Variants in ZBTB25 observed in about 807,000 individuals in gnomAD.
The protein encoded by ZBTB25 is zinc finger and BTB domain containing 25.
Under a neutral mutation model 34.2 loss-of-function variants are expected in ZBTB25, and 20 were observed. That is an observed-to-expected ratio of 0.58 (90% CI 0.41 to 0.85). The LOEUF (loss-of-function observed/expected upper bound fraction) is 0.85. Among genes scored for constraint, ZBTB25 ranks in the 40% least tolerant of loss-of-function variants. The pLI is 0.00. For missense variants in ZBTB25, 437 were observed against 521.8 expected (o/e 0.84, Z 1.58); for synonymous variants, 175 against 186.4 (o/e 0.94, Z 0.50).
intron 1 of ZBTB25, among the ~76,000 whole-genome samples, chr14:64,498,878 C>A (rs1361122678): frequency 6.6e-6 from 1 of 152,116 alleles, no homozygotes; most frequent in Non-Finnish European, 1.5e-5. Context: ...TCATGATCCA[C>A]CCGCCTCGGC....
At chr14:64,503,409 G>A in intron 1 of ZBTB25, 1 of 985,448 alleles carries the variant, frequency 1.0e-6, no homozygotes, top group Non-Finnish European at 1.2e-6. Flanking sequence ...GTGCCACCCT[G>A]AATCAGGCCC....
At chr14:64,464,171 A>AACCGGTGTGAGCT (rs1555340465) in intron 2 of ZBTB25, among the ~76,000 whole-genome samples, 1 of 151,280 alleles carries the variant, frequency 6.6e-6, no homozygotes, top group Non-Finnish European at 1.5e-5. Flanking sequence ...GCTCCTGAGT[A>AACCGGTGTGAGCT]ACTGGGACCA....
intron 1 of ZBTB25, among the ~76,000 whole-genome samples, chr14:64,491,991 T>C (rs963730392): frequency 6.6e-6 from 1 of 151,826 alleles, no homozygotes; most frequent in African/African-American, 2.4e-5. Flanking sequence ...CGGTGGTGCA[T>C]GCTTTAGTCC....
At chr14:64,472,467 A>G (rs1596593396) in intron 2 of ZBTB25, 1 of 166,940 alleles carries the variant, frequency 6.0e-6, no homozygotes. Context: ...GTAAAATTTT[A>G]TCTAATACTA....
At chr14:64,496,478 G>A (rs934048796) in intron 1 of ZBTB25, among the ~76,000 whole-genome samples, 6 of 152,104 alleles carry the variant, frequency 3.9e-5, no homozygotes, top group Non-Finnish European at 8.8e-5. Flanking sequence ...GCTACAGAGC[G>A]AGACTCCATC....
In ZBTB25 at chr14:64,503,739, C is replaced by A. The variant is rs1002100238; in HGVS notation, c.-86G>T. 9.1e-5 allele frequency: 39 copies of A among 427,260 alleles called. No individual in the cohort carries two copies. The highest frequency in any genetic ancestry group is 7.1e-4 in the African/African-American group (33 of 46,494). The allele number at this position is 427,260 out of a possible 1,614,324, so 26.5% of individuals were successfully genotyped here. A position where few individuals can be genotyped will look rare whatever the true frequency, so the allele number is the denominator to read the frequency against. ...CCAAGCCGCGCACTGCAAGCAGTGGCGCCGGCTCACGCACCCCTCGGCCGC... is the reference window on the plus strand; with the variant it reads ...CCAAGCCGCGCACTGCAAGCAGTGGAGCCGGCTCACGCACCCCTCGGCCGC... On this transcript the variant is annotated 5_prime_UTR_variant, in exon 1 of 3. Transcript: ENST00000608382.
At chr14:64,493,130 C>G (rs769998692) in intron 1 of ZBTB25, among the ~76,000 whole-genome samples, 1 of 152,032 alleles carries the variant, frequency 6.6e-6, no homozygotes, top group Non-Finnish European at 1.5e-5. Context: ...GTGGTCAGTT[C>G]AAAAAGCATA....
chr14:64,497,054 A>T (rs1476821286), intron 1 of ZBTB25, among the ~76,000 whole-genome samples: 1 of 152,102 alleles, frequency 6.6e-6, no homozygotes, highest in African/African-American at 2.4e-5. Context: ...TTTCTTCAAA[A>T]CCCCATCTAG....
intron 2 of ZBTB25, chr14:64,449,753 C>G: frequency 1.9e-6 from 2 of 1,032,068 alleles, no homozygotes; most frequent in Non-Finnish European, 2.9e-6. Context: ...ACGTAGGTGA[C>G]TTACACAACC....
intron 1 of ZBTB25, among the ~76,000 whole-genome samples, chr14:64,496,490 C>CA (rs979248578): frequency 1.3e-5 from 2 of 149,362 alleles, no homozygotes; most frequent in South Asian, 2.1e-4. Context: ...GACTCCATCT[C>CA]AAAAAAAAAG....
intron 2 of ZBTB25, chr14:64,458,031 C>T (rs1056631584): frequency 9.5e-6 from 6 of 633,816 alleles, no homozygotes; most frequent in Non-Finnish European, 1.7e-5. Context: ...GCTGGAACTA[C>T]AGGCACATGC....
chr14:64,496,341 T>C (rs1596647617), intron 1 of ZBTB25, among the ~76,000 whole-genome samples: 1 of 151,548 alleles, frequency 6.6e-6, no homozygotes, highest in East Asian at 1.9e-4. Flanking sequence ...AAAAAAAAGC[T>C]GGGCACAGTG....
At chr14:64,467,171 T>G (rs1334665153) in intron 2 of ZBTB25, 1 of 152,224 alleles carries the variant, frequency 6.6e-6, no homozygotes, top group Admixed American at 6.5e-5. Context: ...ACGAAACTCT[T>G]AAAGCCCAGT....
Position 64,485,398 on chromosome 14 carries a change from T to A in ZBTB25, c.*1525A>T. On this transcript the variant is annotated 3_prime_UTR_variant, in exon 3 of 3. Transcript: ENST00000608382. ...ATGAGTCTGTTTTATTATCCTTGACTATGCGGGGTTTGAAATTTAAACATT... is the reference window on the plus strand; with the variant it reads ...ATGAGTCTGTTTTATTATCCTTGACAATGCGGGGTTTGAAATTTAAACATT... 1.0e-6 allele frequency: 1 copy of A among 985,454 alleles called. No homozygotes were observed. Among genetic ancestry groups the A allele is most frequent in the Non-Finnish European group, 1.2e-6 (1 of 829,922 alleles). 61.0% of individuals were successfully genotyped at this position (985,454 alleles called of 1,614,324 possible).
At position 64,485,265 on chromosome 14, in the gene ZBTB25, G is replaced by C; in HGVS notation, c.*1658C>G. 2 of 985,436 alleles carry C rather than the reference G, an allele frequency of 2.0e-6. No individual in the cohort carries two copies. Among genetic ancestry groups the C allele is most frequent in the Non-Finnish European group, 2.4e-6 (2 of 829,934 alleles). 61.0% of individuals were successfully genotyped at this position (985,436 alleles called of 1,614,324 possible). On this transcript the variant is annotated 3_prime_UTR_variant, in exon 3 of 3. Coordinates refer to ENST00000608382, the MANE Select transcript of ZBTB25 (RefSeq NM_006977.5). The stretch of plus-strand genomic sequence containing the variant: ...CAGGAAACGTCCTCAGAAGTGGAGG[G>C]AGCTCAAGAGTTTTGTAAGTGGTTA...
intron 2 of ZBTB25, chr14:64,455,127 C>G: frequency 4.2e-6 from 2 of 475,874 alleles, no homozygotes; most frequent in Non-Finnish European, 7.7e-6. Flanking sequence ...TTCTGTTTCC[C>G]AGGGACAGTA....
At chr14:64,459,738 ATTTC>A in intron 2 of ZBTB25, 5 of 1,526,126 alleles carry the variant, frequency 3.3e-6, no homozygotes. Flanking sequence ...GAAAACATTT[ATTTC>A]TTGTTTTTCC....
chr14:64,454,064 G>T (rs1278168241), intron 2 of ZBTB25, among the ~76,000 whole-genome samples: 1 of 152,164 alleles, frequency 6.6e-6, no homozygotes, highest in African/African-American at 2.4e-5. Flanking sequence ...TGAATGTGTA[G>T]AAATCCATGA....
At position 64,458,282 on chromosome 14, in the gene ZBTB25, A is replaced by G; in HGVS notation, c.174-8644T>C. On this transcript the variant is annotated intron_variant, in intron 2 of 2. Transcript: ENST00000555220. ...ATATTGATTTGGACCCTGAAACAGA[A>G]CAGGTGAATGGATTATTCTAAACAG... The G allele has an allele frequency of 6.2e-7, 1 of 1,613,470 alleles. No homozygotes were observed. The highest frequency in any genetic ancestry group is 8.5e-7 in the Non-Finnish European group (1 of 1,179,358).
Sources: allele counts gnomAD v4.1 joint callset (sites outside exome capture counted in the v4.1 genomes callset), GRCh38; gene constraint gnomAD v4.1.1; transcripts MANE v1.5; gene names NCBI Gene and HGNC (gene_info 2026-07-23, HGNC 2026-07-21).